Variants in GRIP1 observed in about 807,000 individuals in gnomAD.
GRIP1 encodes the protein glutamate receptor-interacting protein 1.
A neutral mutation model predicts 129.9 loss-of-function variants in GRIP1; 45 were observed. The ratio of observed to expected loss-of-function variants is 0.35; its 90% CI spans 0.27 to 0.44. The LOEUF is 0.44. Ranked by LOEUF, GRIP1 falls within the 20% of genes least tolerant of loss-of-function variation. The probability of loss-of-function intolerance (pLI) is 1.00; values close to 1 mark genes in which losing one functional copy is unlikely to be tolerated. For missense variants in GRIP1, 1,196 were observed against 1,396.8 expected (o/e 0.86, Z 2.29); for synonymous variants, 530 against 520.8 (o/e 1.02, Z -0.24).
At chr12:66,830,702 A>G (rs2039500592) in intron 1 of GRIP1, among the ~76,000 whole-genome samples, 1 of 151,972 alleles carries the variant, frequency 6.6e-6, no homozygotes, top group Non-Finnish European at 1.5e-5. Context: ...TATCATCCCC[A>G]TTTTACAAAT....
rs368004354 is a variant in GRIP1 at position 66,465,259 on chromosome 12, T to C, written c.872+16A>G. ...CTGCGCCTGGCGGAAAAGTAGGCAC[T>C]TTCTACAATACTTACCTGTCTGCAA... On this transcript the variant is annotated intron_variant, in intron 8 of 24. Transcript: ENST00000359742. 47 of 1,612,372 alleles carry C rather than the reference T, an allele frequency of 2.9e-5. 2 individuals are homozygous for C. Among genetic ancestry groups the C allele is most frequent in the African/African-American group, 2.8e-4 (21 of 74,998 alleles).
intron 1 of GRIP1, among the ~76,000 whole-genome samples, chr12:66,751,400 A>G (rs75500032): frequency 4.6e-5 from 7 of 152,278 alleles, no homozygotes; most frequent in African/African-American, 1.7e-4. Flanking sequence ...CTCTTCTCAT[A>G]TTCTGCATTC....
At chr12:66,351,555 G>GTTTTTTTTTTTTTTTTTTTTTTTTTTTTT (rs1565655525) in intron 24 of GRIP1, among the ~76,000 whole-genome samples, 1 of 143,520 alleles carries the variant, frequency 7.0e-6, no homozygotes, top group African/African-American at 2.7e-5. Context: ...ACAGGAAGGT[G>GTTTTTTTTTTTTTTTTTTTTTTTTTTTTT]GTTTTTTTTT....
intron 16 of GRIP1, among the ~76,000 whole-genome samples, chr12:66,403,079 C>G (rs1337854557): frequency 6.6e-6 from 1 of 152,168 alleles, no homozygotes; most frequent in Non-Finnish European, 1.5e-5. Flanking sequence ...GTTGCCCAAA[C>G]TCTCACAGCT....
intron 2 of GRIP1, chr12:66,568,518 C>T: frequency 5.5e-6 from 1 of 183,342 alleles, no homozygotes. Flanking sequence ...AATCAAGAGT[C>T]AGCATCACTT....
intron 1 of GRIP1, among the ~76,000 whole-genome samples, chr12:66,696,353 CA>C: frequency 6.6e-6 from 1 of 152,070 alleles, no homozygotes; most frequent in African/African-American, 2.4e-5. Context: ...AGAAAAATAC[CA>C]ATCTAAACAT....
chr12:66,575,062 G>A (rs12424353), intron 2 of GRIP1, among the ~76,000 whole-genome samples: 37,112 of 151,798 alleles, frequency 0.24, 4,625 homozygotes, highest in Admixed American at 0.28. Context: ...ATTAGCCACC[G>A]TGCCCGGCCT....
intron 1 of GRIP1, among the ~76,000 whole-genome samples, chr12:66,948,784 T>C (rs557968620): frequency 6.6e-6 from 1 of 152,332 alleles, no homozygotes; most frequent in South Asian, 2.1e-4. Context: ...AGAGATTCTA[T>C]CTTTTCTTCG....
At chr12:66,670,082 G>C (rs1420894294) in intron 1 of GRIP1, among the ~76,000 whole-genome samples, 1 of 152,066 alleles carries the variant, frequency 6.6e-6, no homozygotes, top group East Asian at 1.9e-4. Flanking sequence ...TACAAATGAG[G>C]GTGAACTCCT....
chr12:66,904,890 CA>C (rs34662689), intron 1 of GRIP1, among the ~76,000 whole-genome samples: 11 of 137,034 alleles, frequency 8.0e-5, no homozygotes, highest in Non-Finnish European at 1.1e-4. Flanking sequence ...GACTCCGTCT[CA>C]AAAAAAAAAA....
chr12:66,979,768 C>T (rs547022357), intron 1 of GRIP1, among the ~76,000 whole-genome samples: 1 of 152,190 alleles, frequency 6.6e-6, no homozygotes, highest in East Asian at 1.9e-4. Flanking sequence ...CGAAAAGACA[C>T]ACAGGGAGAA....
chr12:66,888,067 T>C (rs1034262493), intron 1 of GRIP1, among the ~76,000 whole-genome samples: 1 of 152,150 alleles, frequency 6.6e-6, no homozygotes, highest in Non-Finnish European at 1.5e-5. Context: ...TTTTATTTTA[T>C]TTTATTTTGA....
chr12:66,777,173 A>C (rs1047134767), intron 1 of GRIP1, among the ~76,000 whole-genome samples: 7 of 152,176 alleles, frequency 4.6e-5, no homozygotes, highest in Admixed American at 4.6e-4. Context: ...AAAGTGCAAC[A>C]AAGTGGCAAA....
chr12:66,879,424 TTAAA>T (rs201894721), intron 1 of GRIP1, among the ~76,000 whole-genome samples: 1 of 151,882 alleles, frequency 6.6e-6, no homozygotes, highest in Non-Finnish European at 1.5e-5. Context: ...CATTTATAGG[TTAAA>T]TAAATAAATA....
intron 1 of GRIP1, among the ~76,000 whole-genome samples, chr12:66,879,390 G>A (rs1164509519): frequency 6.6e-6 from 1 of 152,060 alleles, no homozygotes; most frequent in African/African-American, 2.4e-5. Context: ...CAACCCTGTG[G>A]AAGGGGGTAT....
At chr12:66,390,089 A>T (rs2137491701) in intron 19 of GRIP1, among the ~76,000 whole-genome samples, 1 of 152,298 alleles carries the variant, frequency 6.6e-6, no homozygotes, top group South Asian at 2.1e-4. Context: ...CATCAGAGCT[A>T]CGTGGAGATG....
chr12:66,687,941 A>G (rs893363546), intron 1 of GRIP1, among the ~76,000 whole-genome samples: 1 of 152,212 alleles, frequency 6.6e-6, no homozygotes, highest in African/African-American at 2.4e-5. Flanking sequence ...GCTGCAAAGA[A>G]GATAGTCTGC....
chr12:66,841,395 T>C (rs2039713425), intron 1 of GRIP1, among the ~76,000 whole-genome samples: 1 of 152,200 alleles, frequency 6.6e-6, no homozygotes, highest in South Asian at 2.1e-4. Flanking sequence ...AGGAATAGGC[T>C]AGAAGCAACT....
intron 7 of GRIP1, among the ~76,000 whole-genome samples, chr12:66,511,157 C>A (rs2060686641): frequency 6.6e-6 from 1 of 152,018 alleles, no homozygotes; most frequent in Non-Finnish European, 1.5e-5. Flanking sequence ...CTCATGAGAT[C>A]TGATGGTTTT....
Sources: allele counts gnomAD v4.1 joint callset (sites outside exome capture counted in the v4.1 genomes callset), GRCh38; gene constraint gnomAD v4.1.1; transcripts MANE v1.5; gene names NCBI Gene and HGNC (gene_info 2026-07-23, HGNC 2026-07-21).